The following CTPS2 variants were observed in gnomAD, a reference collection of about 807,000 sequenced individuals.
CTPS2 encodes CTP synthase II.
In CTPS2, 19 loss-of-function variants were observed where a neutral mutation model predicts 46.8. The ratio of observed to expected loss-of-function variants is 0.41; its 90% confidence interval spans 0.28 to 0.60. The LOEUF is 0.60. CTPS2 is among the 20% of genes least tolerant of loss of function. The probability of loss-of-function intolerance (pLI) is 0.35; values close to 1 mark genes in which losing one functional copy is unlikely to be tolerated. For missense variants in CTPS2, 286 were observed against 447.6 expected, an observed-to-expected ratio of 0.64 and a Z score of 3.26; for synonymous variants, 151 against 165.2, an observed-to-expected ratio of 0.91 and a Z score of 0.66.
intron 13 of CTPS2, among the ~76,000 whole-genome samples, chrX:16,651,674 T>C (rs1416446262): frequency 8.9e-6 from 1 of 112,376 alleles, no homozygotes. Context: ...TTTGTGTTAA[T>C]GAGGCAACCG....
intron 14 of CTPS2, among the ~76,000 whole-genome samples, chrX:16,631,681 T>C (rs762798228): frequency 2.7e-5 from 3 of 111,946 alleles, no homozygotes; most frequent in Non-Finnish European, 5.6e-5. Context: ...ACACAAAGTC[T>C]TGCCTCCCTC....
intron 17 of CTPS2, among the ~76,000 whole-genome samples, chrX:16,600,942 A>G (rs1422753319): frequency 8.9e-6 from 1 of 111,920 alleles, no homozygotes; most frequent in East Asian, 2.8e-4. Context: ...CAGCGGCCCT[A>G]AGGAGGAGAA....
At chrX:16,631,861 G>A (rs1211102797) in intron 14 of CTPS2, among the ~76,000 whole-genome samples, 1 of 111,550 alleles carries the variant, frequency 9.0e-6, no homozygotes, top group Non-Finnish European at 1.9e-5. Context: ...TCTCAGTTGA[G>A]AGCCACAAGC....
At chrX:16,673,294 A>T (rs1278952407) in intron 10 of CTPS2, among the ~76,000 whole-genome samples, 1 of 111,528 alleles carries the variant, frequency 9.0e-6, no homozygotes, top group Non-Finnish European at 1.9e-5. Context: ...GACCCCTGTA[A>T]GCCTGCTGTT....
chrX:16,662,469 C>G lies in CTPS2; in HGVS notation c.1296+5045G>C, dbSNP rs1265001811. Among the ~76,000 whole-genome samples, 3 of 111,525 alleles carry G rather than the reference C, an allele frequency of 2.7e-5. No individual in the cohort carries two copies. In the East Asian group the frequency reaches 8.5e-4, roughly 31 times the overall value. On this transcript the variant is annotated intron_variant, in intron 13 of 18. Transcript: ENST00000359276. ...ATGCCAGTGTCTCTATTGATTTCAT[C>G]AACAGCCATAGCACTAATCATGCAT...
At chrX:16,623,808 T>C (rs1930970569) in intron 14 of CTPS2, among the ~76,000 whole-genome samples, 1 of 77,298 alleles carries the variant, frequency 1.3e-5, no homozygotes, top group Non-Finnish European at 2.5e-5. Context: ...TTTTTTTTTT[T>C]TTTTTTTTTT....
chrX:16,709,371 T>C (rs761934228), intron 1 of CTPS2, among the ~76,000 whole-genome samples: 1 of 104,593 alleles, frequency 9.6e-6, no homozygotes, highest in East Asian at 3.0e-4. Context: ...GAGGTTGCAG[T>C]GAGCCAAGAT....
chrX:16,705,565 C>T (rs1190197888), intron 1 of CTPS2, among the ~76,000 whole-genome samples: 5 of 112,273 alleles, frequency 4.5e-5, no homozygotes, highest in Non-Finnish European at 9.4e-5. Context: ...TCAGGACCAC[C>T]TTCATGAATA....
At chrX:16,650,624 T>TGCCTC (rs1319994598) in intron 13 of CTPS2, among the ~76,000 whole-genome samples, 1 of 104,246 alleles carries the variant, frequency 9.6e-6, no homozygotes, top group Non-Finnish European at 1.9e-5. Flanking sequence ...GCGATTCTCC[T>TGCCTC]GCCTCGGTCT....
chrX:16,677,860 T>C (rs1221067189), intron 10 of CTPS2, among the ~76,000 whole-genome samples: 1 of 111,767 alleles, frequency 8.9e-6, no homozygotes, highest in East Asian at 2.8e-4. Flanking sequence ...GAGGCACGTA[T>C]AATTCATCCC....
chrX:16,666,400 G>C (rs759734486), intron 13 of CTPS2, among the ~76,000 whole-genome samples: 68 of 111,963 alleles, frequency 6.1e-4, no homozygotes, highest in African/African-American at 2.1e-3. Context: ...ATTCCAGGGG[G>C]AGAGGGATTT....
intron 1 of CTPS2, 81 bp from the exon 2 acceptor site, chrX:16,703,022 A>T (rs917452572): frequency 2.2e-5 from 10 of 451,178 alleles, no homozygotes; most frequent in East Asian, 4.3e-5. Flanking sequence ...ACCAGAATTA[A>T]TTTTTTTTTT....
At chrX:16,699,588 T>G (rs1023848594) in intron 2 of CTPS2, among the ~76,000 whole-genome samples, 2 of 112,634 alleles carry the variant, frequency 1.8e-5, no homozygotes, top group Non-Finnish European at 3.7e-5. Flanking sequence ...ACGTGCACAA[T>G]GCACTGTCAT....
Position 16,706,124 on chromosome X carries a change from AAAG to A in CTPS2, c.-39-3186_-39-3184del, listed in dbSNP as rs1412724219. On this transcript the variant is annotated intron_variant, in intron 1 of 18. Coordinates refer to ENST00000359276, the MANE Select transcript of CTPS2 (RefSeq NM_175859.3). ...TCAAAAAAAAAAAAAGAAAGAAAGA[AAAG>A]AAAAGAAATAAAGTCACCAGGCACA... Among the ~76,000 whole-genome samples the A allele has an allele frequency of 6.4e-5, 7 of 109,490 alleles. No homozygotes were observed. In the East Asian group the frequency reaches 2.0e-3, roughly 32 times the overall value.
chrX:16,601,361 G>A (rs1929646233), intron 17 of CTPS2, among the ~76,000 whole-genome samples: 3 of 110,613 alleles, frequency 2.7e-5, no homozygotes, highest in Non-Finnish European at 3.8e-5. Context: ...CCTCCGATTC[G>A]CCACCTTGTC....
intron 13 of CTPS2, among the ~76,000 whole-genome samples, chrX:16,639,714 G>A (rs192039240): frequency 3.2e-4 from 32 of 99,685 alleles, no homozygotes; most frequent in African/African-American, 1.1e-3. Flanking sequence ...AAAACCATTA[G>A]AGGGATTCCA....
At chrX:16,663,845 A>AT (rs909366418) in intron 13 of CTPS2, among the ~76,000 whole-genome samples, 4 of 109,910 alleles carry the variant, frequency 3.6e-5, no homozygotes, top group South Asian at 3.9e-4. Flanking sequence ...ATTTTTTTTC[A>AT]TTTTTTTTGA....
At chrX:16,650,978 A>T in intron 13 of CTPS2, 4 of 1,191,722 alleles carry the variant, frequency 3.4e-6, no homozygotes, top group Non-Finnish European at 3.4e-6. Context: ...TGGTAAGTTT[A>T]TTTTCTTCCC....
At chrX:16,623,727 G>C (rs949657614) in intron 14 of CTPS2, among the ~76,000 whole-genome samples, 1 of 104,747 alleles carries the variant, frequency 9.5e-6, no homozygotes, top group African/African-American at 3.6e-5. Context: ...ATGGGACTGC[G>C]ATATCTCTTT....
Sources: allele counts gnomAD v4.1 joint callset (sites outside exome capture counted in the v4.1 genomes callset), GRCh38; gene constraint gnomAD v4.1.1; transcripts MANE v1.5; gene names NCBI Gene and HGNC (gene_info 2026-07-23, HGNC 2026-07-21).